The following MEIOSIN variants were observed in gnomAD, a reference collection of about 807,000 sequenced individuals.
The protein encoded by MEIOSIN is meiosis initiator protein.
In MEIOSIN, 18 loss-of-function variants were observed where a neutral mutation model predicts 23.4. The observed-to-expected ratio is 0.77, with a 90% CI of 0.53 to 1.14. MEIOSIN has a LOEUF of 1.14. MEIOSIN is among the 50% of genes most tolerant of loss of function. The probability of loss-of-function intolerance (pLI) is 0.00; values close to 1 mark genes in which losing one functional copy is unlikely to be tolerated. For synonymous variants in MEIOSIN, 187 were observed against 100.6 expected (o/e 1.86, Z -5.14); for missense variants, 428 against 242.9 (o/e 1.76, Z -5.07).
chr19:45,749,666 T>C (rs1213068973), intron 4 of MEIOSIN, among the ~76,000 whole-genome samples: 7 of 67,860 alleles, frequency 1.0e-4, no homozygotes, highest in Non-Finnish European at 1.0e-4. Context: ...AACAAGATTC[T>C]GTCTCAAAAA....
At chr19:45,742,674 G>A (rs1222108540) in intron 3 of MEIOSIN, among the ~76,000 whole-genome samples, 1 of 152,028 alleles carries the variant, frequency 6.6e-6, no homozygotes, top group Non-Finnish European at 1.5e-5. Flanking sequence ...AGCTACTTGG[G>A]AGACTGAGGC....
rs544282904 is a variant in MEIOSIN at position 45,752,963 on chromosome 19, G to C, written c.419-688G>C. Among the ~76,000 whole-genome samples, 529 of 125,986 alleles carry C rather than the reference G, an allele frequency of 4.2e-3. 1 individual carries two copies. Among genetic ancestry groups the C allele is most frequent in the Middle Eastern group, 0.018 (3 of 168 alleles). 82.7% of individuals were successfully genotyped at this position (125,986 alleles called of 152,430 possible). A position where few individuals can be genotyped will look rare whatever the true frequency, so the allele number is the denominator to read the frequency against. ...TCTGAGGCGGAGTCTCGCTCTTTTC[G>C]CCCAGGCTGGAGTGAAGTGGCGAAA... On this transcript the variant is annotated intron_variant, in intron 5 of 14. Transcript: ENST00000457052.
chr19:45,740,014 A>C (rs1024601318), intron 3 of MEIOSIN, among the ~76,000 whole-genome samples: 16 of 151,882 alleles, frequency 1.1e-4, no homozygotes, highest in African/African-American at 9.7e-5. Flanking sequence ...CGGCCAGCTA[A>C]TTTTTTGTAT....
Position 45,761,735 on chromosome 19 carries a change from C to T in MEIOSIN, c.1302C>T (p.Ser434=), listed in dbSNP as rs563484077. 1.4e-6 allele frequency: 1 copy of T among 703,174 alleles called. No homozygotes were observed. Among genetic ancestry groups the T allele is most frequent in the South Asian group, 1.5e-5 (1 of 67,582 alleles). The allele number at this position is 703,174 out of a possible 1,614,324, so 43.6% of individuals were successfully genotyped here. A position where few individuals can be genotyped will look rare whatever the true frequency, so the allele number is the denominator to read the frequency against. ...DPPESHSLHR[S]SVSLDHCYLS... is the part of the protein sequence containing the mutation. ...CTGAGTCCCACAGCCTGCACCGGTC[C>T]TCAGTCTCGCTGGACCACTGCTACC... is the stretch of plus-strand genomic sequence containing the variant. The change falls in exon 12 of 15, where the codon TCC becomes TCT. Residue 434 remains serine, a synonymous_variant. Transcript: ENST00000457052.
At chr19:45,746,361 G>T (rs2146182460) in intron 4 of MEIOSIN, among the ~76,000 whole-genome samples, 1 of 152,228 alleles carries the variant, frequency 6.6e-6, no homozygotes. Flanking sequence ...ACTTCTGGGG[G>T]CTGCCTGCAT....
Position 45,735,443 on chromosome 19 carries a change from G to T in MEIOSIN, c.67G>T (p.Asp23Tyr). 1 of 702,570 alleles carries T rather than the reference G, an allele frequency of 1.4e-6. No individual in the cohort carries two copies. The highest frequency in any genetic ancestry group is 1.5e-5 in the South Asian group (1 of 67,542). 43.5% of individuals were successfully genotyped at this position (702,570 alleles called of 1,614,324 possible). Reference protein sequence around the residue: ...QPRANSLGPSDRTLVLCSLVE... With the variant: ...QPRANSLGPSYRTLVLCSLVE... ...CAGAGCTAATTCACTGGGTCCCAGT[G>T]ACAGGTAAGGGCTTGCCCCATCTCC... The change falls in exon 2 of 15, where the codon GAC becomes TAC. Residue 23 changes from aspartate (D) to tyrosine (Y), a missense_variant. By Grantham distance (160) the Asp-to-Tyr change is radical. Coordinates refer to ENST00000457052, the MANE Select transcript of MEIOSIN (RefSeq NM_001310124.2).
intron 7 of MEIOSIN, among the ~76,000 whole-genome samples, chr19:45,755,597 C>T (rs559483826): frequency 2.3e-4 from 35 of 152,082 alleles, no homozygotes; most frequent in African/African-American, 7.5e-4. Flanking sequence ...GACAGGCGCC[C>T]GCACCCATGC....
Position 45,764,262 on chromosome 19 carries a change from T to A in MEIOSIN, c.*144T>A. 1 of 397,334 alleles carries A rather than the reference T, an allele frequency of 2.5e-6. No individual in the cohort carries two copies. Among genetic ancestry groups the A allele is most frequent in the Non-Finnish European group, 4.4e-6 (1 of 225,794 alleles). 24.6% of individuals were successfully genotyped at this position (397,334 alleles called of 1,614,324 possible). ...CCCATGGGACTGGGGAGGGGGGCACTGATTAGCCCCAACCGCTGGGCACAT... is the reference window on the plus strand; with the variant it reads ...CCCATGGGACTGGGGAGGGGGGCACAGATTAGCCCCAACCGCTGGGCACAT... On this transcript the variant is annotated 3_prime_UTR_variant, in exon 15 of 15. Transcript: ENST00000457052.
intron 10 of MEIOSIN, 39 bp from the exon 11 acceptor site, chr19:45,759,375 C>A (rs1304293797): frequency 4.3e-6 from 3 of 702,420 alleles, no homozygotes; most frequent in Middle Eastern, 2.4e-4. Context: ...GTGGGAGAAG[C>A]ATTTCCACTC....
At chr19:45,748,748 C>T (rs1489280711) in intron 4 of MEIOSIN, among the ~76,000 whole-genome samples, 1 of 152,084 alleles carries the variant, frequency 6.6e-6, no homozygotes, top group African/African-American at 2.4e-5. Context: ...ATGCTCCAAG[C>T]CTGGTATTAG....
chr19:45,756,663 AT>A (rs926210797), intron 8 of MEIOSIN, among the ~76,000 whole-genome samples: 62 of 152,138 alleles, frequency 4.1e-4, no homozygotes, highest in African/African-American at 1.5e-3. Context: ...GGCTCAAGCA[AT>A]CCTCCCACCT....
At chr19:45,753,010 A>G (rs969933345) in intron 5 of MEIOSIN, among the ~76,000 whole-genome samples, 6 of 130,686 alleles carry the variant, frequency 4.6e-5, no homozygotes, top group African/African-American at 1.5e-4. Context: ...TGCAAGCTCC[A>G]CCCCCTGGGT....
At chr19:45,755,682 C>A (rs549868250) in intron 7 of MEIOSIN, among the ~76,000 whole-genome samples, 87 of 151,860 alleles carry the variant, frequency 5.7e-4, no homozygotes, top group African/African-American at 2.1e-3. Context: ...CTCCTGACCT[C>A]GTGATCCACC....
chr19:45,759,312 G>A (rs1350537866), intron 10 of MEIOSIN, 102 bp from the exon 11 acceptor site: 7 of 671,300 alleles, frequency 1.0e-5, no homozygotes, highest in East Asian at 5.4e-5. Flanking sequence ...GAAGGAGAAC[G>A]CCAGAGACGG....
chr19:45,745,221 C>T lies in MEIOSIN; in HGVS notation c.206C>T (p.Ser69Phe), dbSNP rs1002139873. 4.3e-6 allele frequency: 3 copies of T among 702,910 alleles called. No homozygotes were observed. Among genetic ancestry groups the T allele is most frequent in the East Asian group, 5.4e-5 (2 of 37,290 alleles). The allele number at this position is 702,910 out of a possible 1,614,324, so 43.5% of individuals were successfully genotyped here. ...CAGAGGAACCAAAACAAGCTCCTGT[C>T]CCCAAACAAGAAGCAGAGGAAAAAC... ...RNQRNQNKLL[S>F]PNKKQRKNHT... Residue 69 changes from serine (S) to phenylalanine (F), a missense_variant, in exon 4 of 15, where the codon TCC becomes TTC. Physicochemically the swap from Ser to Phe is radical, Grantham distance 155 (BLOSUM62 -2). Coordinates refer to ENST00000457052, the MANE Select transcript of MEIOSIN (RefSeq NM_001310124.2).
chr19:45,758,649 T>C (rs1361315331), intron 9 of MEIOSIN, among the ~76,000 whole-genome samples: 1 of 152,080 alleles, frequency 6.6e-6, no homozygotes, highest in Non-Finnish European at 1.5e-5. Flanking sequence ...AGGCTGGTCT[T>C]GAACTCCTGA....
chr19:45,751,311 T>TAATA (rs977199924), intron 5 of MEIOSIN, among the ~76,000 whole-genome samples: 1 of 145,482 alleles, frequency 6.9e-6, no homozygotes, highest in African/African-American at 2.5e-5. Context: ...ATAATAATAA[T>TAATA]ATATACATAA....
At chr19:45,738,753 T>C (rs1378587595) in intron 2 of MEIOSIN, among the ~76,000 whole-genome samples, 1 of 152,226 alleles carries the variant, frequency 6.6e-6, no homozygotes, top group Non-Finnish European at 1.5e-5. Context: ...CCGACTGTTG[T>C]AAGACGAGGA....
At chr19:45,747,539 T>C (rs115163366) in intron 4 of MEIOSIN, among the ~76,000 whole-genome samples, 1 of 152,358 alleles carries the variant, frequency 6.6e-6, no homozygotes, top group African/African-American at 2.4e-5. Context: ...TCTGTCCGCC[T>C]TGCCCACAGG....
Sources: gnomAD v4.1 joint callset for allele counts (sites outside exome capture counted in the v4.1 genomes callset) on GRCh38, gnomAD v4.1.1 for gene constraint, MANE v1.5 for transcripts, NCBI Gene and HGNC (gene_info 2026-07-23, HGNC 2026-07-21) for gene names.